The following ACLY variants were observed in gnomAD, a reference collection of about 807,000 sequenced individuals.
ACLY encodes the protein ATP citrate lyase, also known as ATP-citrate synthase.
ACLY carries 41 observed loss-of-function variants against 133.0 expected under a neutral mutation model. The ratio of observed to expected loss-of-function variants is 0.31; its 90% CI spans 0.24 to 0.40. ACLY has a LOEUF of 0.40. Ranked by LOEUF, ACLY falls within the 10% of genes least tolerant of loss-of-function variation. ACLY has a pLI of 1.00. For synonymous variants in ACLY, 495 were observed against 549.3 expected (o/e 0.90, Z 1.38); for missense variants, 1,046 against 1,453.8 (o/e 0.72, Z 4.56).
chr17:41,919,017 G>C (rs997333209), upstream of ACLY: 2 of 1,284,410 alleles, frequency 1.6e-6, no homozygotes, highest in Non-Finnish European at 2.0e-6. Context: ...GCCCCCATCG[G>C]CTCGCGGCGA....
chr17:41,903,440 A>C (rs55935355), intron 10 of ACLY, among the ~76,000 whole-genome samples: 3 of 152,110 alleles, frequency 2.0e-5, no homozygotes, highest in African/African-American at 7.2e-5. Context: ...TTTTGGAAAA[A>C]GGGCTCATGA....
chr17:41,869,040 C>T lies in ACLY; in HGVS notation c.3134+3G>A, dbSNP rs1555624550. On this transcript the variant is annotated splice_donor_region_variant and intron_variant, in intron 27 of 28. Transcript: ENST00000352035. Reference sequence around the variant, plus strand: ...TGAAGAAGAAAACAGCTACAATGCTCACCGAGTAAAGGACCCACAGTTTCT... The same window carrying T: ...TGAAGAAGAAAACAGCTACAATGCTTACCGAGTAAAGGACCCACAGTTTCT... The T allele has an allele frequency of 6.2e-7, 1 of 1,609,786 alleles. No individual in the cohort carries two copies. The highest frequency in any genetic ancestry group is 1.7e-5 in the Admixed American group (1 of 59,488).
Position 41,892,295 on chromosome 17 carries a change from G to A in ACLY, c.1754C>T (p.Thr585Ile), listed in dbSNP as rs782196412. Residue 585 changes from threonine to isoleucine, a missense_variant, in exon 16 of 29, where the codon ACC (threonine) becomes ATC (isoleucine). Thr to Ile is a moderately conservative substitution (Grantham distance 89). Around this residue, in one of 4 missense-constraint regions of ACLY, gnomAD observed 575 missense variants for 804.2 expected, o/e 0.71. Coordinates refer to ENST00000352035, the MANE Select transcript of ACLY (RefSeq NM_001096.3). Reference sequence around the variant, plus strand: ...GTGATCTACCTGGGCATAGTTCATGGTCTCCATGGTGCTGTCATAGGCAGA... The same window carrying A: ...GTGATCTACCTGGGCATAGTTCATGATCTCCATGGTGCTGTCATAGGCAGA... ...LRSAYDSTME[T>I]MNYAQIRTIA... The A allele has an allele frequency of 3.8e-6, 6 of 1,577,478 alleles. No individual in the cohort carries two copies. The Admixed American group carries it at 9.2e-5, about 24-fold the overall frequency.
intron 17 of ACLY, among the ~76,000 whole-genome samples, chr17:41,886,987 G>T (rs1555628267): frequency 6.6e-6 from 1 of 151,602 alleles, no homozygotes; most frequent in African/African-American, 2.4e-5. Flanking sequence ...AGCCAGGCGT[G>T]GTGGTTCACA....
chr17:41,906,600 T>C lies in ACLY; in HGVS notation c.794A>G (p.Lys265Arg). Reference sequence around the variant, plus strand: ...CCCTTTGGGGTTCAGCAAGGTCAGCTTCAGGCTTGCCCCACTTTTGGCATC... The same window carrying C: ...CCCTTTGGGGTTCAGCAAGGTCAGCCTCAGGCTTGCCCCACTTTTGGCATC... ...DLDAKSGASL[K>R]LTLLNPKGRI... The change falls in exon 8 of 29, where the codon AAG becomes AGG. Residue 265 changes from lysine (K) to arginine (R), a missense_variant. Around this residue, in one of 4 missense-constraint regions of ACLY, gnomAD observed 575 missense variants for 804.2 expected, o/e 0.71. Transcript: ENST00000352035. 1 of 1,614,218 alleles carries C rather than the reference T, an allele frequency of 6.2e-7. No homozygotes were observed. Among genetic ancestry groups the C allele is most frequent in the Non-Finnish European group, 8.5e-7 (1 of 1,180,022 alleles).
intron 23 of ACLY, 37 bp from the exon 24 acceptor site, chr17:41,872,219 C>T: frequency 6.3e-7 from 1 of 1,594,462 alleles, no homozygotes; most frequent in Non-Finnish European, 8.6e-7. Context: ...AGATGGTCGA[C>T]AAGGCCATGC....
At chr17:41,868,899 C>A in intron 27 of ACLY, 114 bp from the exon 28 acceptor site, 1 of 1,341,624 alleles carries the variant, frequency 7.5e-7, no homozygotes, top group Non-Finnish European at 1.1e-6. Context: ...TGGGTGGTAG[C>A]ATTACAGGCA....
At chr17:41,873,151 A>C (rs1358005863) in intron 23 of ACLY, among the ~76,000 whole-genome samples, 1 of 151,864 alleles carries the variant, frequency 6.6e-6, no homozygotes, top group African/African-American at 2.4e-5. Context: ...GGGAGAAACA[A>C]ATTTGCAAAG....
chr17:41,920,342 G>A (rs1177775340), upstream of ACLY, among the ~76,000 whole-genome samples: 1 of 152,088 alleles, frequency 6.6e-6, no homozygotes, highest in Non-Finnish European at 1.5e-5. Context: ...GCTCACACCT[G>A]TAATCCCAGC....
At chr17:41,872,577 G>A (rs781947093) in intron 23 of ACLY, among the ~76,000 whole-genome samples, 8 of 152,220 alleles carry the variant, frequency 5.3e-5, no homozygotes, top group Non-Finnish European at 7.4e-5. Flanking sequence ...TGCCCACCTC[G>A]GCCTCCCAAA....
intron 7 of ACLY, 128 bp from the exon 8 acceptor site, chr17:41,906,774 C>CCCTGCGTAGCCCCT: frequency 1.2e-6 from 1 of 800,318 alleles, no homozygotes; most frequent in Non-Finnish European, 2.1e-6. Flanking sequence ...GAAGAAGGGG[C>CCCTGCGTAGCCCCT]TACGCAGGGC....
rs994701806 is a variant in ACLY at position 41,884,706 on chromosome 17, G to A, written c.2073-432C>T. 2.6e-5 allele frequency among the ~76,000 whole-genome samples: 4 copies of A among 152,136 alleles called. No individual in the cohort carries two copies. The South Asian group carries it at 6.2e-4, about 24-fold the overall frequency. ...TCCAGACCAGCCTGGCCAACATGGC[G>A]AAACCCCGTCTCTACTAAAAATACA... On this transcript the variant is annotated intron_variant, in intron 18 of 28. Coordinates refer to ENST00000352035, the MANE Select transcript of ACLY (RefSeq NM_001096.3).
intron 1 of ACLY, among the ~76,000 whole-genome samples, chr17:41,916,897 C>G (rs1257361506): frequency 6.6e-6 from 1 of 151,926 alleles, no homozygotes; most frequent in African/African-American, 2.4e-5. Flanking sequence ...GTAATCCCAG[C>G]ACTTCGGGAG....
At chr17:41,922,134 T>C (rs1202116550), upstream of ACLY, among the ~76,000 whole-genome samples, 2 of 152,034 alleles carry the variant, frequency 1.3e-5, no homozygotes, top group African/African-American at 4.8e-5. Flanking sequence ...ATCCCAACAC[T>C]TGGGGAGGCC....
chr17:41,912,839 A>G (rs2049944324), intron 2 of ACLY, among the ~76,000 whole-genome samples: 1 of 152,212 alleles, frequency 6.6e-6, no homozygotes, highest in Non-Finnish European at 1.5e-5. Context: ...CCTATGTGAT[A>G]CATTAGCTTC....
At chr17:41,911,004 A>G (rs1169804988) in intron 3 of ACLY, among the ~76,000 whole-genome samples, 1 of 152,166 alleles carries the variant, frequency 6.6e-6, no homozygotes, top group Non-Finnish European at 1.5e-5. Context: ...AGCAGAAGGA[A>G]GCAGGATGTG....
intron 13 of ACLY, 83 bp from the exon 14 acceptor site, chr17:41,896,732 G>T: frequency 7.6e-7 from 1 of 1,314,062 alleles, no homozygotes; most frequent in Non-Finnish European, 1.0e-6. Flanking sequence ...ACAGGGAAGG[G>T]TCCCATGGAC....
chr17:41,871,845 C>T lies in ACLY; in HGVS notation c.2794-13G>A. ...CAAACCGATCCCCCTGGAGGAGAAA[C>T]AAGTGCGTGTTGCCTTGAGCTTTAA... On this transcript the variant is annotated splice_polypyrimidine_tract_variant and intron_variant, in intron 24 of 28. Coordinates refer to ENST00000352035, the MANE Select transcript of ACLY (RefSeq NM_001096.3). 1 of 1,613,514 alleles carries T rather than the reference C, an allele frequency of 6.2e-7. No homozygotes were observed.
In ACLY at chr17:41,902,953, A is replaced by AT. The variant is rs1191457453; in HGVS notation, c.1066-1141dup. ...GCAATCCTCCTAGCTCAACCCACTA[A>AT]TTTTTTTTAAATTTTAGTAGAGATG... On this transcript the variant is annotated intron_variant, in intron 10 of 28. Transcript: ENST00000352035. Among the ~76,000 whole-genome samples, 9 of 151,982 alleles carry AT rather than the reference A, an allele frequency of 5.9e-5. No homozygotes were observed. The East Asian group carries it at 1.7e-3, about 29-fold the overall frequency.
Sources: allele counts gnomAD v4.1 joint callset (sites outside exome capture counted in the v4.1 genomes callset), GRCh38; gene constraint gnomAD v4.1.1; regional missense constraint gnomAD v4.1.1; transcripts MANE v1.5; gene names NCBI Gene and HGNC (gene_info 2026-07-23, HGNC 2026-07-21).